The following SVOP variants were observed in gnomAD, a reference collection of about 807,000 sequenced individuals.
SVOP encodes synaptic vesicle 2-related protein.
SVOP carries 17 observed loss-of-function variants against 69.1 expected under a neutral mutation model. The observed-to-expected ratio is 0.25, with a 90% CI of 0.17 to 0.37. The LOEUF is 0.37. Ranked by LOEUF, SVOP falls within the 10% of genes least tolerant of loss-of-function variation. The pLI, the probability that SVOP is intolerant of heterozygous loss-of-function variation, is 1.00. For missense variants in SVOP, 435 were observed against 597.5 expected (o/e 0.73, Z 2.84); for synonymous variants, 238 against 238.6 (o/e 1.00, Z 0.02).
At chr12:109,009,313 G>A (rs969400636) in intron 1 of SVOP, among the ~76,000 whole-genome samples, 8 of 152,070 alleles carry the variant, frequency 5.3e-5, no homozygotes, top group African/African-American at 1.7e-4. Flanking sequence ...CATACAGAGG[G>A]GACCCTCTCT....
chr12:108,940,397 T>C (rs1377060005), intron 8 of SVOP, among the ~76,000 whole-genome samples: 1 of 152,212 alleles, frequency 6.6e-6, no homozygotes, highest in Non-Finnish European at 1.5e-5. Context: ...CAGCCATGCC[T>C]GAAGTCTGAC....
rs1320838679 is a variant in SVOP, at chr12:108,908,460, C to G, written c.*4075G>C. On this transcript the variant is annotated 3_prime_UTR_variant, in exon 16 of 16. Coordinates refer to ENST00000610966, the MANE Select transcript of SVOP (RefSeq NM_018711.5). ...AGATTTCACAGAAAAACCTAGACTC[C>G]TCTTTTGAACATTGTAAGATCTGGT... The G allele has an allele frequency of 6.6e-6, 1 of 152,174 alleles. No homozygotes were observed. The highest frequency in any genetic ancestry group is 2.4e-5 in the African/African-American group (1 of 41,426). The allele number at this position is 152,174 out of a possible 1,614,324, so 9.4% of individuals were successfully genotyped here. A position where few individuals can be genotyped will look rare whatever the true frequency, so the allele number is the denominator to read the frequency against.
chr12:108,935,360 T>C (rs1364196164), intron 10 of SVOP, among the ~76,000 whole-genome samples: 1 of 152,218 alleles, frequency 6.6e-6, no homozygotes, highest in African/African-American at 2.4e-5. Flanking sequence ...TAGGTTTCAA[T>C]GTGTGCAAGC....
chr12:108,943,811 T>A (rs2039906704), intron 7 of SVOP, among the ~76,000 whole-genome samples: 1 of 149,780 alleles, frequency 6.7e-6, no homozygotes, highest in African/African-American at 2.5e-5. Context: ...CTCTTTCTCC[T>A]CCTCCTCCTG....
chr12:108,930,979 C>T (rs1308703889), intron 11 of SVOP, among the ~76,000 whole-genome samples: 2 of 152,184 alleles, frequency 1.3e-5, no homozygotes, highest in Admixed American at 6.5e-5. Context: ...TACTACCTGA[C>T]CTTTTATAGA....
Position 108,961,050 on chromosome 12 carries a change from G to A in SVOP, c.454-3C>T. The A allele has an allele frequency of 6.5e-7, 1 of 1,534,506 alleles. No individual in the cohort carries two copies. Among genetic ancestry groups the A allele is most frequent in the Non-Finnish European group, 8.7e-7 (1 of 1,145,272 alleles). On this transcript the variant is annotated splice_region_variant and splice_polypyrimidine_tract_variant and intron_variant, in intron 5 of 15. Coordinates refer to ENST00000610966, the MANE Select transcript of SVOP (RefSeq NM_018711.5). ...CACAGCACGCTGATCTTCAGCCCCT[G>A]AAGAGAAGGAAGACACGGAATCACA...
chr12:108,978,436 G>A (rs1381318587), intron 3 of SVOP, 142 bp downstream of exon 3: 23 of 580,686 alleles, frequency 4.0e-5, no homozygotes, highest in South Asian at 2.0e-4. Context: ...CACTTATTAC[G>A]CCACATAAAT....
At chr12:108,912,930 C>T (rs2039693679) in intron 15 of SVOP, among the ~76,000 whole-genome samples, 189 bp from the exon 16 acceptor site, 1 of 152,098 alleles carries the variant, frequency 6.6e-6, no homozygotes, top group African/African-American at 2.4e-5. Flanking sequence ...CTTTGCCTTC[C>T]TCCATGAGTA....
rs1217090136 is a variant in SVOP at position 108,919,655 on chromosome 12, T to A, written c.1268+20A>T. On this transcript the variant is annotated intron_variant, in intron 13 of 15. Coordinates refer to ENST00000610966, the MANE Select transcript of SVOP (RefSeq NM_018711.5). The stretch of plus-strand genomic sequence containing the variant: ...CTCCACCTGTGCTCAAACTCATACC[T>A]AGGCTTGCAGATCACCTACCTTCCA... The A allele has an allele frequency of 3.2e-6, 5 of 1,573,698 alleles. No individual in the cohort carries two copies. The highest frequency in any genetic ancestry group is 4.3e-6 in the Non-Finnish European group (5 of 1,158,134).
intron 1 of SVOP, among the ~76,000 whole-genome samples, chr12:108,995,821 A>G (rs1294013202): frequency 6.6e-6 from 1 of 151,728 alleles, no homozygotes; most frequent in Admixed American, 6.6e-5. Flanking sequence ...CAATCGCTTG[A>G]ATCTGGGAGG....
intron 5 of SVOP, among the ~76,000 whole-genome samples, chr12:108,970,334 G>T (rs140783696): frequency 6.6e-6 from 1 of 152,226 alleles, no homozygotes. Flanking sequence ...CCCACTCTCC[G>T]TGCCTCAGTT....
chr12:108,931,707 G>A lies in SVOP; in HGVS notation c.1048+2488C>T, dbSNP rs192643946. Among the ~76,000 whole-genome samples the A allele has an allele frequency of 8.6e-3, 1,310 of 152,174 alleles. 18 individuals carry two copies. Among genetic ancestry groups the A allele is most frequent in the African/African-American group, 0.03 (1,259 of 41,536 alleles). ...AAATTAGCTGGGCGTGATGGCGGTC[G>A]CCTGTAGTCCCAGCTACTCGGGAGG... On this transcript the variant is annotated intron_variant, in intron 11 of 15. Transcript: ENST00000610966.
intron 4 of SVOP, among the ~76,000 whole-genome samples, chr12:108,976,906 C>T (rs934737900): frequency 2.0e-5 from 3 of 152,346 alleles, no homozygotes; most frequent in Admixed American, 1.3e-4. Context: ...TGAGCCACTA[C>T]GCCCAGCCCA....
chr12:108,944,428 A>C (rs1346363170), intron 7 of SVOP, among the ~76,000 whole-genome samples: 1 of 152,188 alleles, frequency 6.6e-6, no homozygotes, highest in Admixed American at 6.5e-5. Flanking sequence ...GATCAATGCG[A>C]TTAACATTGT....
At chr12:108,950,410 G>A (rs555030248) in intron 6 of SVOP, among the ~76,000 whole-genome samples, 9 of 150,642 alleles carry the variant, frequency 6.0e-5, no homozygotes, top group East Asian at 2.0e-4. Context: ...TTGAGACAGC[G>A]TCTCATTCTG....
At chr12:108,994,668 G>A (rs1482001536) in intron 1 of SVOP, among the ~76,000 whole-genome samples, 1 of 152,206 alleles carries the variant, frequency 6.6e-6, no homozygotes, top group Non-Finnish European at 1.5e-5. Flanking sequence ...CACACAGTAA[G>A]TGGCTAAGCC....
rs1205892964 is a variant in SVOP, at chr12:108,983,068, CATCACCATCATCATG to C, written c.196+518_196+532del. Among the ~76,000 whole-genome samples the C allele has an allele frequency of 1.5e-3, 231 of 151,360 alleles. 2 individuals carry two copies. Among genetic ancestry groups the C allele is most frequent in the African/African-American group, 5.3e-3 (218 of 41,192 alleles). On this transcript the variant is annotated intron_variant, in intron 2 of 15. Coordinates refer to ENST00000610966, the MANE Select transcript of SVOP (RefSeq NM_018711.5). ...TCACCACCATCATCACCATCACCAT[CATCACCATCATCATG>C]ATCACCATCATCATGATCACCATCA...
chr12:108,956,903 C>T (rs908634866), intron 6 of SVOP, among the ~76,000 whole-genome samples: 3 of 152,190 alleles, frequency 2.0e-5, no homozygotes, highest in Non-Finnish European at 4.4e-5. Flanking sequence ...GGAGACGATG[C>T]CCTGTGACCA....
chr12:108,934,304 G>A, intron 10 of SVOP, 33 bp from the exon 11 acceptor site: 1 of 1,558,060 alleles, frequency 6.4e-7, no homozygotes, highest in Non-Finnish European at 8.7e-7. Flanking sequence ...GTAAAGAAAT[G>A]ATCAGAGGAA....
Sources: allele counts gnomAD v4.1 joint callset (sites outside exome capture counted in the v4.1 genomes callset), GRCh38; gene constraint gnomAD v4.1.1; transcripts MANE v1.5; gene names NCBI Gene and HGNC (gene_info 2026-07-23, HGNC 2026-07-21).